The following PLEKHH2 variants were observed in gnomAD, a reference collection of about 807,000 sequenced individuals.
PLEKHH2 encodes the protein pleckstrin homology domain-containing family H member 2.
In PLEKHH2, 129 loss-of-function variants were observed where a neutral mutation model predicts 187.9. The observed-to-expected ratio is 0.69, with a 90% confidence interval of 0.59 to 0.79. The LOEUF is 0.79. PLEKHH2 is among the 30% of genes least tolerant of loss of function. The pLI is 0.00. For synonymous variants in PLEKHH2, 686 were observed against 605.6 expected (o/e 1.13, Z -1.95); for missense variants, 2,076 against 1,751.2 (o/e 1.19, Z -3.31).
chr2:43,675,561 C>G, intron 2 of PLEKHH2: 1 of 1,613,828 alleles, frequency 6.2e-7, no homozygotes, highest in South Asian at 1.1e-5. Context: ...TAGACAATGC[C>G]TCTTCAATAA....
At chr2:43,690,154 C>A (rs1319213400) in intron 3 of PLEKHH2, among the ~76,000 whole-genome samples, 3 of 152,204 alleles carry the variant, frequency 2.0e-5, no homozygotes, top group Non-Finnish European at 4.4e-5. Context: ...TATAGCTATA[C>A]CATCTTAAGA....
chr2:43,755,699 C>T (rs778452246), intron 25 of PLEKHH2, among the ~76,000 whole-genome samples: 35 of 152,146 alleles, frequency 2.3e-4, no homozygotes, highest in Non-Finnish European at 2.9e-5. Flanking sequence ...TTGAAGGCTC[C>T]TTCAGTCATG....
intron 16 of PLEKHH2, among the ~76,000 whole-genome samples, chr2:43,722,775 T>C (rs932839880): frequency 6.6e-6 from 1 of 152,222 alleles, no homozygotes; most frequent in Admixed American, 6.5e-5. Flanking sequence ...CAAGTTTCTG[T>C]AATAAGCATG....
At position 43,743,913 on chromosome 2, in the gene PLEKHH2, C is replaced by T. The variant is rs374082333; in HGVS notation, c.3479C>T (p.Ala1160Val). 1.1e-5 allele frequency: 18 copies of T among 1,613,982 alleles called. No homozygotes were observed. Among genetic ancestry groups the T allele is most frequent in the East Asian group, 4.5e-5 (2 of 44,882 alleles). Residue 1160 changes from alanine (A) to valine (V), a missense_variant, in exon 23 of 30, where the codon GCG becomes GTG. Transcript: ENST00000282406. Reference sequence around the variant, plus strand: ...CAGGACACAGGAATGAGGAAACCAGCGCAGTCTGGATTTGCGTTGTTCACT... The same window carrying T: ...CAGGACACAGGAATGAGGAAACCAGTGCAGTCTGGATTTGCGTTGTTCACT... ...LNQDTGMRKPAQSGFALFTDD... is the reference protein window; with the variant it reads ...LNQDTGMRKPVQSGFALFTDD...
At chr2:43,688,807 G>T (rs13407126) in intron 3 of PLEKHH2, among the ~76,000 whole-genome samples, 1 of 152,148 alleles carries the variant, frequency 6.6e-6, no homozygotes. Flanking sequence ...GTTGCACAGG[G>T]ATGCACTTAA....
intron 28 of PLEKHH2, among the ~76,000 whole-genome samples, chr2:43,763,120 T>A (rs1446341441): frequency 1.3e-5 from 2 of 151,988 alleles, no homozygotes; most frequent in Admixed American, 1.3e-4. Flanking sequence ...TTTCAAGGGG[T>A]TATATTTTCT....
intron 2 of PLEKHH2, chr2:43,658,535 A>T (rs1666902440): frequency 6.6e-6 from 1 of 152,222 alleles, no homozygotes; most frequent in African/African-American, 2.4e-5. Context: ...TTGGCCTGGG[A>T]TGTAGTAATC....
At chr2:43,730,712 T>C (rs912155663) in intron 18 of PLEKHH2, among the ~76,000 whole-genome samples, 14 of 152,190 alleles carry the variant, frequency 9.2e-5, no homozygotes, top group African/African-American at 3.4e-4. Context: ...AATGAATTTT[T>C]ATGGCTAAGG....
intron 15 of PLEKHH2, among the ~76,000 whole-genome samples, chr2:43,714,875 T>G (rs1178660843): frequency 6.6e-6 from 1 of 152,184 alleles, no homozygotes; most frequent in Non-Finnish European, 1.5e-5. Flanking sequence ...CAGTAATGAC[T>G]TCTGAGAGAA....
At chr2:43,729,944 T>A (rs1341377140) in intron 18 of PLEKHH2, among the ~76,000 whole-genome samples, 199 bp downstream of exon 18, 1 of 152,076 alleles carries the variant, frequency 6.6e-6, no homozygotes, top group Admixed American at 6.6e-5. Flanking sequence ...CATTAGTCTG[T>A]GTCAGGTCAC....
At position 43,684,525 on chromosome 2, in the gene PLEKHH2, C is replaced by G. The variant is rs556710269; in HGVS notation, c.186+5600C>G. On this transcript the variant is annotated intron_variant, in intron 3 of 29. Coordinates refer to ENST00000282406, the MANE Select transcript of PLEKHH2 (RefSeq NM_172069.4). ...TTTTTTATTTGTGATTTTCAACTATCTACACCCGCCCCCCACCGACCCCTG... is the reference window on the plus strand; with the variant it reads ...TTTTTTATTTGTGATTTTCAACTATGTACACCCGCCCCCCACCGACCCCTG... 2.8e-4 allele frequency among the ~76,000 whole-genome samples: 43 copies of G among 152,144 alleles called. No homozygotes were observed. In the Middle Eastern group the frequency reaches 0.01, roughly 36 times the overall value.
chr2:43,668,849 C>G (rs1298432978), intron 2 of PLEKHH2, among the ~76,000 whole-genome samples: 1 of 152,152 alleles, frequency 6.6e-6, no homozygotes, highest in Admixed American at 6.5e-5. Context: ...ATTTGTGTTT[C>G]CACAGTTGTT....
In PLEKHH2 at chr2:43,699,858, C is replaced by T. The variant is rs1431425809; in HGVS notation, c.900C>T (p.Ser300=). ...EEDGSKGRSK[S]RCTSTLSSHT... ...ACGGGAGCAAAGGAAGATCCAAGTCCAGATGCACATCCACCCTCTCCAGTC... is the reference window on the plus strand; with the variant it reads ...ACGGGAGCAAAGGAAGATCCAAGTCTAGATGCACATCCACCCTCTCCAGTC... The change falls in exon 8 of 30, where the codon TCC becomes TCT. Residue 300 remains serine, a synonymous_variant. Transcript: ENST00000282406. 3 of 1,614,120 alleles carry T rather than the reference C, an allele frequency of 1.9e-6. No homozygotes were observed. The highest frequency in any genetic ancestry group is 2.5e-6 in the Non-Finnish European group (3 of 1,180,010).
chr2:43,681,541 C>G, intron 3 of PLEKHH2: 4 of 1,415,204 alleles, frequency 2.8e-6, no homozygotes, highest in Non-Finnish European at 2.9e-6. Flanking sequence ...TTTGCGTATG[C>G]AGAAAGACTC....
In PLEKHH2 at chr2:43,685,300, T is replaced by G. The variant is rs544881625; in HGVS notation, c.186+6375T>G. Reference sequence around the variant, plus strand: ...AGCTTTGTACATTTTTCCCTTTGTTTATCAATGAATGGCATCACTTCTGTA... The same window carrying G: ...AGCTTTGTACATTTTTCCCTTTGTTGATCAATGAATGGCATCACTTCTGTA... On this transcript the variant is annotated intron_variant, in intron 3 of 29. Transcript: ENST00000282406. 6.0e-4 allele frequency among the ~76,000 whole-genome samples: 91 copies of G among 152,360 alleles called. 1 individual carries two copies. Among genetic ancestry groups the G allele is most frequent in the Middle Eastern group, 3.4e-3 (1 of 294 alleles).
At position 43,644,697 on chromosome 2, in the gene PLEKHH2, G is replaced by C. The variant is rs1666103608; in HGVS notation, c.24G>C (p.Glu8Asp). The C allele has an allele frequency of 6.2e-7, 1 of 1,602,612 alleles. No individual in the cohort carries two copies. The stretch of plus-strand genomic sequence containing the variant: ...ATATGGCAGAGCTTTCTGAGCCAGA[G>C]GGACCAGTAGATTGGAAGGAACGAT... MAELSEP[E>D]GPVDWKERCV... Residue 8 changes from glutamate to aspartate, a missense_variant, in exon 2 of 30, where the codon GAG (glutamate) becomes GAC (aspartate). Glu to Asp is a conservative substitution (Grantham distance 45). Coordinates refer to ENST00000282406, the MANE Select transcript of PLEKHH2 (RefSeq NM_172069.4).
intron 2 of PLEKHH2, among the ~76,000 whole-genome samples, chr2:43,647,348 G>A (rs1666230040): frequency 6.6e-6 from 1 of 152,192 alleles, no homozygotes; most frequent in Non-Finnish European, 1.5e-5. Flanking sequence ...TAACTTGACT[G>A]AGTTCACACT....
chr2:43,690,229 T>C (rs1668727286), intron 3 of PLEKHH2, among the ~76,000 whole-genome samples: 1 of 152,256 alleles, frequency 6.6e-6, no homozygotes, highest in Non-Finnish European at 1.5e-5. Flanking sequence ...TGCAGACCTT[T>C]GTCTTGATAC....
chr2:43,741,423 C>T (rs1251429750), intron 21 of PLEKHH2: 1 of 155,168 alleles, frequency 6.4e-6, no homozygotes, highest in African/African-American at 2.4e-5. Flanking sequence ...AAATTTCCCC[C>T]ATGGTCTTCC....
Sources: allele counts gnomAD v4.1 joint callset (sites outside exome capture counted in the v4.1 genomes callset), GRCh38; gene constraint gnomAD v4.1.1; transcripts MANE v1.5; gene names NCBI Gene and HGNC (gene_info 2026-07-23, HGNC 2026-07-21).